NTM: variants seen among roughly 807,000 people sequenced by gnomAD.
NTM encodes neurotrimin.
A neutral mutation model predicts 42.1 loss-of-function variants in NTM; 13 were observed. That is an observed-to-expected ratio of 0.31 (90% CI 0.20 to 0.49). The LOEUF is 0.49. Among genes scored for constraint, NTM ranks in the 20% least tolerant of loss-of-function variants. NTM has a pLI of 0.99. For synonymous variants in NTM, 187 were observed against 179.2 expected (o/e 1.04, Z -0.35); for missense variants, 373 against 452.8 (o/e 0.82, Z 1.60).
chr11:131,795,401 T>G (rs149738555), intron 1 of NTM: 2 of 985,256 alleles, frequency 2.0e-6, no homozygotes, highest in South Asian at 4.7e-5. Context: ...GGAATAGTGA[T>G]ATTTTAGGAC....
intron 2 of NTM, among the ~76,000 whole-genome samples, chr11:131,955,177 C>T (rs1206332077): frequency 6.6e-6 from 1 of 152,198 alleles, no homozygotes; most frequent in Non-Finnish European, 1.5e-5. Flanking sequence ...CAGCCTCAGC[C>T]TCAGCCCGCT....
At chr11:132,030,515 G>T (rs1176228600) in intron 2 of NTM, among the ~76,000 whole-genome samples, 1 of 152,158 alleles carries the variant, frequency 6.6e-6, no homozygotes, top group Admixed American at 6.5e-5. Flanking sequence ...GTACTATGGA[G>T]AAAAATAAAC....
At chr11:131,906,817 T>C (rs946687899) in intron 1 of NTM, among the ~76,000 whole-genome samples, 11 of 152,318 alleles carry the variant, frequency 7.2e-5, no homozygotes, top group Admixed American at 2.0e-4. Context: ...CTCTTTTCTC[T>C]CCCTGGAGCC....
intron 1 of NTM, among the ~76,000 whole-genome samples, chr11:131,673,711 C>T (rs1256245224): frequency 2.0e-5 from 3 of 152,186 alleles, no homozygotes; most frequent in Non-Finnish European, 4.4e-5. Context: ...TTGGGGGGCC[C>T]AGGTGACACC....
intron 3 of NTM, among the ~76,000 whole-genome samples, chr11:132,180,920 AAAAGAAG>A (rs1157701412): frequency 1.3e-5 from 2 of 152,192 alleles, no homozygotes; most frequent in Admixed American, 1.3e-4. Context: ...GGGAGAAGAT[AAAAGAAG>A]AAAGAAGTGA....
chr11:132,327,947 C>A (rs1214107182), intron 7 of NTM, among the ~76,000 whole-genome samples: 1 of 151,918 alleles, frequency 6.6e-6, no homozygotes, highest in African/African-American at 2.4e-5. Context: ...CAGTTGAAGT[C>A]TTGGTGTGGA....
chr11:132,263,965 T>G (rs2139582539), intron 4 of NTM, among the ~76,000 whole-genome samples: 1 of 152,356 alleles, frequency 6.6e-6, no homozygotes, highest in South Asian at 2.1e-4. Flanking sequence ...CCAGTTTTCC[T>G]GTTTTCTGTT....
At chr11:131,880,775 T>G (rs140124444) in intron 1 of NTM, among the ~76,000 whole-genome samples, 198 of 152,134 alleles carry the variant, frequency 1.3e-3, no homozygotes, top group African/African-American at 4.5e-3. Flanking sequence ...TTGTGGCACC[T>G]GGAAGGATAA....
At chr11:132,313,700 A>C (rs2095344789) in intron 6 of NTM, among the ~76,000 whole-genome samples, 1 of 152,154 alleles carries the variant, frequency 6.6e-6, no homozygotes, top group South Asian at 2.1e-4. Flanking sequence ...CTCCAATAGC[A>C]GCTTTCTCCT....
chr11:131,640,088 A>T (rs909103641), intron 1 of NTM, among the ~76,000 whole-genome samples: 2 of 152,214 alleles, frequency 1.3e-5, no homozygotes, highest in African/African-American at 4.8e-5. Flanking sequence ...GGATGGTGGC[A>T]GAGAAGCTCC....
intron 1 of NTM, among the ~76,000 whole-genome samples, chr11:131,498,358 C>T (rs1955575133): frequency 6.6e-6 from 1 of 152,168 alleles, no homozygotes; most frequent in South Asian, 2.1e-4. Flanking sequence ...ACACACTTGG[C>T]TTGGCATGTA....
chr11:131,602,804 T>C (rs1361027385), intron 1 of NTM, among the ~76,000 whole-genome samples: 1 of 152,164 alleles, frequency 6.6e-6, no homozygotes, highest in East Asian at 1.9e-4. Flanking sequence ...CCTATGTCAG[T>C]AAATGAACCG....
In NTM at chr11:132,002,108, C is replaced by T. The variant is rs569712712; in HGVS notation, c.167+90460C>T. ...GAGAGTTGATGCTGTCCATGGCAAC[C>T]GGGGCTGGAAATTATGCTGCCTGAA... is the stretch of plus-strand genomic sequence containing the variant. On this transcript the variant is annotated intron_variant, in intron 2 of 8. Coordinates refer to ENST00000683400, the MANE Select transcript of NTM (RefSeq NM_001352005.2). This position sits in a 1 kb window ranked among gnomAD's most constrained non-coding sequence, Gnocchi z 4.5. Among the ~76,000 whole-genome samples the T allele has an allele frequency of 7.6e-4, 115 of 152,170 alleles. 1 individual carries two copies. The highest frequency in any genetic ancestry group is 1.5e-3 in the South Asian group (7 of 4,804).
chr11:131,426,439 G>A (rs1948144169), intron 1 of NTM, among the ~76,000 whole-genome samples: 2 of 152,104 alleles, frequency 1.3e-5, no homozygotes, highest in Admixed American at 1.3e-4. Flanking sequence ...AAGGAGCCCC[G>A]TATGCTGTGG....
At chr11:132,308,680 A>G (rs769135921) in intron 5 of NTM, among the ~76,000 whole-genome samples, 10 of 152,132 alleles carry the variant, frequency 6.6e-5, no homozygotes, top group Non-Finnish European at 1.3e-4. Context: ...TACTGTATCT[A>G]GGAGAATATC....
At chr11:132,125,995 A>G (rs1435615608) in intron 2 of NTM, among the ~76,000 whole-genome samples, 6 of 151,920 alleles carry the variant, frequency 3.9e-5, no homozygotes, top group South Asian at 2.1e-4. Flanking sequence ...TGGCAGAGGA[A>G]GAAGCGCAGC....
At chr11:132,195,837 A>T (rs1358724457) in intron 3 of NTM, among the ~76,000 whole-genome samples, 1 of 152,180 alleles carries the variant, frequency 6.6e-6, no homozygotes, top group Non-Finnish European at 1.5e-5. Flanking sequence ...TGTAAGACCT[A>T]AAACTATAAA....
intron 1 of NTM, among the ~76,000 whole-genome samples, chr11:131,789,472 G>GA (rs1265345083): frequency 5.7e-4 from 7 of 12,284 alleles, no homozygotes; most frequent in South Asian, 3.6e-3. Flanking sequence ...AGAAGAAGAA[G>GA]AAGAAGAAGA....
intron 1 of NTM, among the ~76,000 whole-genome samples, chr11:131,547,335 G>T (rs2054075651): frequency 6.6e-6 from 1 of 152,072 alleles, no homozygotes; most frequent in Admixed American, 6.6e-5. Context: ...GAGAAAAGGG[G>T]GTAGGAAAAA....
Sources: gnomAD v4.1 joint callset for allele counts (sites outside exome capture counted in the v4.1 genomes callset) on GRCh38, gnomAD v4.1.1 for gene constraint, Gnocchi (gnomAD v3.1) non-coding constraint, MANE v1.5 for transcripts, NCBI Gene and HGNC (gene_info 2026-07-23, HGNC 2026-07-21) for gene names.